Variants in C7orf33 observed in about 807,000 individuals in gnomAD.
C7orf33 encodes chromosome 7 open reading frame 33.
Under a neutral mutation model 13.4 loss-of-function variants are expected in C7orf33, and 15 were observed. The ratio of observed to expected loss-of-function variants is 1.12; its 90% confidence interval spans 0.75 to 1.72. C7orf33 has a LOEUF of 1.72. Among genes scored for constraint, C7orf33 ranks in the 40% most tolerant of loss-of-function variants. C7orf33 has a pLI of 0.00. For synonymous variants in C7orf33, 73 were observed against 83.2 expected (o/e 0.88, Z 0.67); for missense variants, 187 against 220.3 (o/e 0.85, Z 0.96).
intron 1 of C7orf33, among the ~76,000 whole-genome samples, chr7:148,611,547 C>G (rs895855259): frequency 6.6e-5 from 10 of 152,180 alleles, no homozygotes; most frequent in African/African-American, 2.4e-4. Context: ...CTTCCGGCTC[C>G]CCATCCATGT....
intron 1 of C7orf33, among the ~76,000 whole-genome samples, chr7:148,605,392 T>G (rs1796461288): frequency 6.6e-6 from 1 of 152,138 alleles, no homozygotes; most frequent in Non-Finnish European, 1.5e-5. Context: ...CAACTACAAC[T>G]GCATTTTGCT....
chr7:148,597,730 A>ATTTGTTTTGTTTTGT lies in C7orf33; in HGVS notation c.204+6631_204+6645dup, dbSNP rs60207753. 6.7e-3 allele frequency among the ~76,000 whole-genome samples: 995 copies of ATTTGTTTTGTTTTGT among 148,626 alleles called. 6 individuals carry two copies. Among genetic ancestry groups the ATTTGTTTTGTTTTGT allele is most frequent in the African/African-American group, 0.01 (419 of 40,286 alleles). ...ATTGTGGATCATTCCCTTCCTCTGC[A>ATTTGTTTTGTTTTGT]TTTGTTTTGTTTTGTTTTGTTTTGT... On this transcript the variant is annotated intron_variant, in intron 1 of 2. Transcript: ENST00000307003.
chr7:148,601,094 G>A (rs1247649111), intron 1 of C7orf33, among the ~76,000 whole-genome samples: 2 of 151,816 alleles, frequency 1.3e-5, no homozygotes, highest in African/African-American at 2.4e-5. Flanking sequence ...GAGCCACCGC[G>A]CCCGGCCTTA....
intron 1 of C7orf33, among the ~76,000 whole-genome samples, chr7:148,601,663 C>T (rs901433747): frequency 2.0e-5 from 3 of 152,126 alleles, no homozygotes; most frequent in Admixed American, 2.0e-4. Context: ...AAGCAACCCA[C>T]TTGTTATTTG....
Position 148,595,603 on chromosome 7 carries a change from CATATTATAT to C in C7orf33, c.204+4487_204+4495del, listed in dbSNP as rs1193074391. Among the ~76,000 whole-genome samples the C allele has an allele frequency of 6.8e-5, 8 of 118,166 alleles. No homozygotes were observed. The East Asian group carries it at 9.0e-4, about 13-fold the overall frequency. 77.5% of individuals were successfully genotyped at this position (118,166 alleles called of 152,430 possible). ...TATAGATCTATATTATATAGATATA[CATATTATAT>C]ATATTATATATAATATACATCTATA... On this transcript the variant is annotated intron_variant, in intron 1 of 2. Transcript: ENST00000307003.
intron 1 of C7orf33, among the ~76,000 whole-genome samples, chr7:148,595,436 TA>T: frequency 7.7e-6 from 1 of 130,512 alleles, no homozygotes. Flanking sequence ...TATATCTATA[TA>T]ATATAGATAT....
rs560817932 is a variant in C7orf33, at chr7:148,600,353, C to T, written c.204+9224C>T. Among the ~76,000 whole-genome samples the T allele has an allele frequency of 2.2e-4, 34 of 152,242 alleles. No individual in the cohort carries two copies. The East Asian group carries it at 6.0e-3, about 27-fold the overall frequency. On this transcript the variant is annotated intron_variant, in intron 1 of 2. Coordinates refer to ENST00000307003, the MANE Select transcript of C7orf33 (RefSeq NM_145304.4). ...AGCCATGGTGGCAGGTGCCTGTAAT[C>T]GCAGCTACTCAGGAGGCTGAGGCAG...
intron 1 of C7orf33, among the ~76,000 whole-genome samples, chr7:148,613,686 G>A (rs1315579190): frequency 6.6e-6 from 1 of 152,184 alleles, no homozygotes. Context: ...GACCGCTAAT[G>A]GGTACAGGAT....
At chr7:148,597,480 C>T (rs555704856) in intron 1 of C7orf33, among the ~76,000 whole-genome samples, 11 of 152,036 alleles carry the variant, frequency 7.2e-5, no homozygotes, top group African/African-American at 2.7e-4. Context: ...TGGGGTTTTA[C>T]CATATTGGCC....
At chr7:148,603,538 T>C (rs1042604160) in intron 1 of C7orf33, among the ~76,000 whole-genome samples, 1 of 152,038 alleles carries the variant, frequency 6.6e-6, no homozygotes, top group African/African-American at 2.4e-5. Flanking sequence ...AGAAAGGTAC[T>C]GTAGAGTGTG....
chr7:148,606,879 G>A (rs1159809537), intron 1 of C7orf33, among the ~76,000 whole-genome samples: 2 of 150,256 alleles, frequency 1.3e-5, no homozygotes, highest in Non-Finnish European at 1.5e-5. Flanking sequence ...GAGCCACCGC[G>A]TCTGGCCACC....
At chr7:148,599,675 A>T (rs1393226144) in intron 1 of C7orf33, among the ~76,000 whole-genome samples, 1 of 151,948 alleles carries the variant, frequency 6.6e-6, no homozygotes, top group Non-Finnish European at 1.5e-5. Context: ...GGGTTTCACC[A>T]TGTTGGTCAG....
intron 1 of C7orf33, among the ~76,000 whole-genome samples, chr7:148,603,866 T>G (rs527607128): frequency 6.6e-6 from 1 of 152,270 alleles, no homozygotes; most frequent in African/African-American, 2.4e-5. Flanking sequence ...AGACACTTTA[T>G]AGAACTACCA....
chr7:148,604,341 GGT>G (rs1796450105), intron 1 of C7orf33, among the ~76,000 whole-genome samples: 1 of 151,966 alleles, frequency 6.6e-6, no homozygotes, highest in Non-Finnish European at 1.5e-5. Context: ...CGGCCAGGCT[GGT>G]CTCAAACTCC....
intron 1 of C7orf33, among the ~76,000 whole-genome samples, chr7:148,611,256 C>T (rs922179560): frequency 2.0e-5 from 3 of 152,154 alleles, no homozygotes; most frequent in African/African-American, 7.2e-5. Flanking sequence ...TAAGTGGGAA[C>T]AGGCACTCCT....
intron 1 of C7orf33, among the ~76,000 whole-genome samples, chr7:148,593,224 A>C (rs969544988): frequency 6.6e-6 from 1 of 152,066 alleles, no homozygotes; most frequent in African/African-American, 2.4e-5. Context: ...TGAGTTACGT[A>C]TTATTTTTCC....
chr7:148,594,461 C>T (rs538970369), intron 1 of C7orf33, among the ~76,000 whole-genome samples: 112 of 152,264 alleles, frequency 7.4e-4, no homozygotes, highest in African/African-American at 2.6e-3. Flanking sequence ...CAGGCGTGAA[C>T]CACCGCGCCC....
intron 1 of C7orf33, among the ~76,000 whole-genome samples, chr7:148,603,050 C>T (rs564441045): frequency 2.0e-5 from 3 of 152,060 alleles, no homozygotes; most frequent in South Asian, 2.1e-4. Flanking sequence ...ACAAAGAGAA[C>T]GCTACAAATG....
intron 1 of C7orf33, among the ~76,000 whole-genome samples, chr7:148,593,453 C>T (rs150154772): frequency 5.3e-5 from 8 of 151,908 alleles, no homozygotes; most frequent in South Asian, 2.1e-4. Context: ...TTAGTAGAGT[C>T]GAGGTTTCAC....
Sources: gnomAD v4.1 joint callset for allele counts (sites outside exome capture counted in the v4.1 genomes callset) on GRCh38, gnomAD v4.1.1 for gene constraint, MANE v1.5 for transcripts, NCBI Gene and HGNC (gene_info 2026-07-23, HGNC 2026-07-21) for gene names.